The following RHPN2 variants were observed in gnomAD, a reference collection of about 807,000 sequenced individuals.
RHPN2 encodes rhophilin-2.
RHPN2 carries 40 observed loss-of-function variants against 79.0 expected under a neutral mutation model. The ratio of observed to expected loss-of-function variants is 0.51; its 90% CI spans 0.39 to 0.66. RHPN2 has a LOEUF of 0.66. Ranked by LOEUF, RHPN2 falls within the 30% of genes least tolerant of loss-of-function variation. The pLI, the probability that RHPN2 is intolerant of heterozygous loss-of-function variation, is 0.00. For synonymous variants in RHPN2, 285 were observed against 363.5 expected (o/e 0.78, Z 2.46); for missense variants, 686 against 883.5 (o/e 0.78, Z 2.83).
intron 2 of RHPN2, among the ~76,000 whole-genome samples, chr19:33,029,631 G>A (rs1271343178): frequency 6.6e-6 from 1 of 151,860 alleles, no homozygotes; most frequent in African/African-American, 2.4e-5. Context: ...TCAATTCAAT[G>A]TGGAAAAGAT....
At position 33,007,986 on chromosome 19, in the gene RHPN2, C is replaced by T. The variant is rs374945387; in HGVS notation, c.760+28G>A. Reference sequence around the variant, plus strand: ...GTGCCACCGGGTGGGGCCAAGGCTCCGTCTGGTCAGCCCTGGAGGAGACAT... The same window carrying T: ...GTGCCACCGGGTGGGGCCAAGGCTCTGTCTGGTCAGCCCTGGAGGAGACAT... On this transcript the variant is annotated intron_variant, in intron 7 of 14. Transcript: ENST00000254260. 282 of 1,611,208 alleles carry T rather than the reference C, an allele frequency of 1.8e-4. 2 individuals carry two copies. The East Asian group carries it at 3.7e-3, about 21-fold the overall frequency.
intron 1 of RHPN2, among the ~76,000 whole-genome samples, chr19:33,060,812 G>A (rs1972273494): frequency 1.3e-5 from 2 of 152,082 alleles, no homozygotes; most frequent in Non-Finnish European, 2.9e-5. Context: ...GATTACAGGT[G>A]TGAGGCACTG....
intron 1 of RHPN2, among the ~76,000 whole-genome samples, chr19:33,062,805 T>TAA (rs1972292931): frequency 2.8e-5 from 4 of 143,650 alleles, no homozygotes; most frequent in African/African-American, 5.2e-5. Context: ...ATAATAATAA[T>TAA]TAATAAATGA....
At chr19:33,040,090 C>T (rs370809149) in intron 2 of RHPN2, among the ~76,000 whole-genome samples, 2 of 152,112 alleles carry the variant, frequency 1.3e-5, no homozygotes, top group South Asian at 2.1e-4. Flanking sequence ...CTGTAAACCT[C>T]GGAGCAGGTC....
In RHPN2 at chr19:33,039,904, G is replaced by A. The variant is rs1402680923; in HGVS notation, c.185+4345C>T. Among the ~76,000 whole-genome samples, 6 of 145,916 alleles carry A rather than the reference G, an allele frequency of 4.1e-5. No homozygotes were observed. In the Admixed American group the frequency reaches 4.1e-4, roughly 10 times the overall value. ...AAAAAAAAATTCCTAACTTCTCCTGGAAAAAAAAAAAATTAGAAGATACAG... is the reference window on the plus strand; with the variant it reads ...AAAAAAAAATTCCTAACTTCTCCTGAAAAAAAAAAAAATTAGAAGATACAG... On this transcript the variant is annotated intron_variant, in intron 2 of 14. Transcript: ENST00000254260.
At chr19:32,996,268 G>A in intron 10 of RHPN2, 48 bp from the exon 11 acceptor site, 1 of 1,605,914 alleles carries the variant, frequency 6.2e-7, no homozygotes, top group Non-Finnish European at 8.5e-7. Context: ...CCACCAAGCA[G>A]AGCATAAAGG....
chr19:33,051,424 A>G (rs1972185242), intron 1 of RHPN2: 1 of 152,970 alleles, frequency 6.5e-6, no homozygotes, highest in African/African-American at 2.4e-5. Flanking sequence ...TCCAGGGATC[A>G]TTTCTACAGT....
intron 1 of RHPN2, among the ~76,000 whole-genome samples, chr19:33,064,057 C>T (rs1443877009): frequency 6.6e-6 from 1 of 152,170 alleles, no homozygotes; most frequent in African/African-American, 2.4e-5. Context: ...CAAAAAGAGA[C>T]CGCCGGCCGG....
intron 4 of RHPN2, among the ~76,000 whole-genome samples, chr19:33,020,471 G>T (rs1476734072): frequency 1.3e-5 from 2 of 150,852 alleles, no homozygotes; most frequent in African/African-American, 2.4e-5. Context: ...AGGATTACAG[G>T]CATATGCCAC....
At chr19:33,048,463 C>A (rs1372845916) in intron 1 of RHPN2, among the ~76,000 whole-genome samples, 1 of 151,364 alleles carries the variant, frequency 6.6e-6, no homozygotes, top group African/African-American at 2.4e-5. Flanking sequence ...TAGTAGTTCA[C>A]GCCTGTAATC....
In RHPN2 at chr19:33,011,577, A is replaced by G. The variant is rs1045668581; in HGVS notation, c.593+102T>C. The G allele has an allele frequency of 5.5e-5, 76 of 1,374,148 alleles. No homozygotes were observed. The African/African-American group carries it at 1.0e-3, about 19-fold the overall frequency. The allele number at this position is 1,374,148 out of a possible 1,614,324, so 85.1% of individuals were successfully genotyped here. On this transcript the variant is annotated intron_variant, in intron 6 of 14. Coordinates refer to ENST00000254260, the MANE Select transcript of RHPN2 (RefSeq NM_033103.5). ...AAATGCAAGATAGGAAAGGGGGCTG[A>G]GGTGCACAGGGGCACCCGCAGAGGG...
intron 7 of RHPN2, among the ~76,000 whole-genome samples, chr19:33,004,768 G>A (rs900638800): frequency 6.6e-6 from 1 of 151,572 alleles, no homozygotes; most frequent in Non-Finnish European, 1.5e-5. Flanking sequence ...TGTATTTTTA[G>A]TACAGACGGG....
At chr19:33,021,421 A>G in intron 4 of RHPN2, 150 bp downstream of exon 4, 1 of 694,104 alleles carries the variant, frequency 1.4e-6, no homozygotes, top group African/African-American at 1.8e-5. Context: ...CAGTTGTATG[A>G]TCACAACTCA....
chr19:33,051,297 G>A (rs1972184389), intron 1 of RHPN2, among the ~76,000 whole-genome samples: 1 of 152,134 alleles, frequency 6.6e-6, no homozygotes, highest in South Asian at 2.1e-4. Context: ...GGCCTAGAGT[G>A]AAAACTCTCT....
At chr19:33,044,419 C>T (rs1165478033) in intron 1 of RHPN2, 55 bp from the exon 2 acceptor site, 21 of 1,115,342 alleles carry the variant, frequency 1.9e-5, no homozygotes, top group Non-Finnish European at 2.9e-5. Context: ...AAAATGATGA[C>T]AGGGTTTAAT....
At chr19:33,006,733 C>T (rs1184845186) in intron 7 of RHPN2, among the ~76,000 whole-genome samples, 3 of 152,228 alleles carry the variant, frequency 2.0e-5, no homozygotes, top group African/African-American at 7.2e-5. Flanking sequence ...TCACCCACAG[C>T]GCTGGGTCTG....
At position 32,996,431 on chromosome 19, in the gene RHPN2, G is replaced by A. The variant is rs1203629844; in HGVS notation, c.1226-211C>T. On this transcript the variant is annotated intron_variant, in intron 10 of 14. Transcript: ENST00000254260. ...CTCCATTTTAGTTTCTTCACTTGCA[G>A]CCCCCACTTATCCCCCTTAAGAGAA... is the stretch of plus-strand genomic sequence containing the variant. 6.4e-6 allele frequency: 4 copies of A among 624,890 alleles called. No homozygotes were observed. The Admixed American group carries it at 9.6e-5, about 15-fold the overall frequency. The allele number at this position is 624,890 out of a possible 1,614,324, so 38.7% of individuals were successfully genotyped here.
At chr19:32,989,687 T>C (rs1480884494) in intron 14 of RHPN2, among the ~76,000 whole-genome samples, 2 of 152,230 alleles carry the variant, frequency 1.3e-5, no homozygotes, top group Non-Finnish European at 2.9e-5. Flanking sequence ...AAAAGTTTGC[T>C]AGCAGGGTGC....
Position 32,996,144 on chromosome 19 carries a change from C to G in RHPN2, c.1302G>C (p.Arg434=), listed in dbSNP as rs1568311302. ...VREASLCKKL[R]SIEVLQKVLC... is the part of the protein sequence containing the mutation. The stretch of plus-strand genomic sequence containing the variant: ...GCACCTTCTGTAGCACCTCAATGCT[C>G]CGCAGCTTCTTGCAGAGGCTGGCCT... The change falls in exon 11 of 15, where the codon CGG becomes CGC. Residue 434 remains arginine (R), a synonymous_variant. Coordinates refer to ENST00000254260, the MANE Select transcript of RHPN2 (RefSeq NM_033103.5). 1 of 1,614,058 alleles carries G rather than the reference C, an allele frequency of 6.2e-7. No individual in the cohort carries two copies. The highest frequency in any genetic ancestry group is 1.3e-5 in the African/African-American group (1 of 74,942).
Sources: gnomAD v4.1 joint callset for allele counts (sites outside exome capture counted in the v4.1 genomes callset) on GRCh38, gnomAD v4.1.1 for gene constraint, MANE v1.5 for transcripts, NCBI Gene and HGNC (gene_info 2026-07-23, HGNC 2026-07-21) for gene names.